The following ACOT11 variants were observed in gnomAD, a reference collection of about 807,000 sequenced individuals.
The protein encoded by ACOT11 is acyl-CoA thioesterase 11, also known as acyl-coenzyme A thioesterase 11.
A neutral mutation model predicts 77.5 loss-of-function variants in ACOT11; 69 were observed. The observed-to-expected ratio is 0.89, with a 90% CI of 0.73 to 1.09. ACOT11 has a LOEUF of 1.09. ACOT11 is among the 50% of genes least tolerant of loss of function. The probability of loss-of-function intolerance (pLI) is 0.00; values close to 1 mark genes in which losing one functional copy is unlikely to be tolerated. For synonymous variants in ACOT11, 279 were observed against 313.0 expected, an observed-to-expected ratio of 0.89 and a Z score of 1.15; for missense variants, 766 against 813.7, an observed-to-expected ratio of 0.94 and a Z score of 0.71.
intron 1 of ACOT11, among the ~76,000 whole-genome samples, chr1:54,578,945 T>C (rs1238470327): frequency 6.6e-6 from 1 of 152,148 alleles, no homozygotes; most frequent in Non-Finnish European, 1.5e-5. Flanking sequence ...TGAATACATA[T>C]AGGAGATGCT....
At chr1:54,587,708 C>T (rs1200589039) in intron 3 of ACOT11, among the ~76,000 whole-genome samples, 3 of 150,318 alleles carry the variant, frequency 2.0e-5, no homozygotes, top group Admixed American at 6.6e-5. Flanking sequence ...ATTACAGGTG[C>T]GTGACACCAC....
intron 1 of ACOT11, among the ~76,000 whole-genome samples, chr1:54,564,121 A>C (rs1653651243): frequency 6.6e-6 from 1 of 150,876 alleles, no homozygotes; most frequent in South Asian, 2.1e-4. Context: ...AGTCTCAGCT[A>C]CTCAGCTACT....
chr1:54,598,005 C>T (rs1643911386), intron 7 of ACOT11: 1 of 153,340 alleles, frequency 6.5e-6, no homozygotes, highest in Non-Finnish European at 1.5e-5. Context: ...CTAATTGACA[C>T]TCTCACACCT....
At chr1:54,562,585 G>T (rs1352861230) in intron 1 of ACOT11, among the ~76,000 whole-genome samples, 3 of 148,326 alleles carry the variant, frequency 2.0e-5, no homozygotes, top group Non-Finnish European at 3.0e-5. Context: ...TGGCTGCCGG[G>T]CGGAGAGGCT....
intron 15 of ACOT11, among the ~76,000 whole-genome samples, chr1:54,626,638 C>T (rs1299715143): frequency 1.3e-5 from 1 of 79,560 alleles, no homozygotes; most frequent in African/African-American, 3.3e-5. Context: ...TGATTTTATC[C>T]ATCTACTTGT....
At chr1:54,558,379 G>C (rs950567490) in intron 1 of ACOT11, among the ~76,000 whole-genome samples, 12 of 152,192 alleles carry the variant, frequency 7.9e-5, no homozygotes, top group African/African-American at 2.9e-4. Flanking sequence ...GTAGATAATT[G>C]TGTCCGTATT....
intron 1 of ACOT11, among the ~76,000 whole-genome samples, chr1:54,551,181 A>C (rs1653055264): frequency 6.6e-6 from 1 of 151,686 alleles, no homozygotes; most frequent in Non-Finnish European, 1.5e-5. Context: ...ACAACAAAAA[A>C]CTCACCAAAT....
chr1:54,594,845 G>T (rs1425584354), intron 6 of ACOT11, among the ~76,000 whole-genome samples, 154 bp downstream of exon 6: 1 of 152,162 alleles, frequency 6.6e-6, no homozygotes, highest in Non-Finnish European at 1.5e-5. Flanking sequence ...TGGCTCCGAG[G>T]TCTCCTCCAG....
At chr1:54,625,264 T>C (rs1485507032) in intron 15 of ACOT11, among the ~76,000 whole-genome samples, 1 of 152,060 alleles carries the variant, frequency 6.6e-6, no homozygotes, top group East Asian at 1.9e-4. Flanking sequence ...CTCAACAAAC[T>C]CAGCAGCTGC....
chr1:54,601,101 GTA>G (rs1163928133), intron 8 of ACOT11, among the ~76,000 whole-genome samples, 166 bp from the exon 9 acceptor site: 13 of 151,718 alleles, frequency 8.6e-5, no homozygotes, highest in African/African-American at 2.9e-4. Context: ...ACATGTGTGT[GTA>G]TGTGTGTGCA....
intron 1 of ACOT11, among the ~76,000 whole-genome samples, chr1:54,557,406 A>G (rs899990854): frequency 6.6e-6 from 1 of 151,582 alleles, no homozygotes; most frequent in African/African-American, 2.4e-5. Flanking sequence ...AAAAAAAAAA[A>G]AAAGAAAAAA....
At chr1:54,579,278 CTT>C (rs1352263956) in intron 1 of ACOT11, among the ~76,000 whole-genome samples, 2 of 152,160 alleles carry the variant, frequency 1.3e-5, no homozygotes, top group Non-Finnish European at 2.9e-5. Context: ...ATGCAGCTCT[CTT>C]TGGCAGCATC....
At chr1:54,549,816 C>T (rs1020139836) in intron 1 of ACOT11, among the ~76,000 whole-genome samples, 2 of 152,220 alleles carry the variant, frequency 1.3e-5, no homozygotes, top group African/African-American at 4.8e-5. Context: ...TTGCTCTTGT[C>T]ACCTGAGTGC....
intron 3 of ACOT11, among the ~76,000 whole-genome samples, chr1:54,588,977 T>TAAG (rs1186827445): frequency 6.6e-6 from 1 of 152,212 alleles, no homozygotes; most frequent in Admixed American, 6.5e-5. Context: ...TTTTGCCACT[T>TAAG]AAGAATATTT....
intron 3 of ACOT11, among the ~76,000 whole-genome samples, chr1:54,589,121 A>G (rs1184158519): frequency 6.6e-6 from 1 of 152,028 alleles, no homozygotes; most frequent in Non-Finnish European, 1.5e-5. Flanking sequence ...GGTTCAAGCA[A>G]TTCTCCTGTC....
intron 10 of ACOT11, 71 bp from the exon 11 acceptor site, chr1:54,603,800 G>A (rs1209305659): frequency 7.1e-7 from 1 of 1,417,214 alleles, no homozygotes. Flanking sequence ...CACAGAGTAG[G>A]CCTGCAGTAG....
At chr1:54,613,711 A>T (rs915635109), downstream of ACOT11, among the ~76,000 whole-genome samples, 2 of 152,216 alleles carry the variant, frequency 1.3e-5, no homozygotes, top group Non-Finnish European at 2.9e-5. Flanking sequence ...CACCCAAAAA[A>T]ACCCTACTGA....
rs773972106 is a variant in ACOT11, at chr1:54,599,279, C to G, written c.765-17C>G. The stretch of plus-strand genomic sequence containing the variant: ...ACCAGGGGCATTCCTTCTGTCTCCC[C>G]ACCCCTGCCTCCTCAGCCGGCTCTG... On this transcript the variant is annotated splice_polypyrimidine_tract_variant and intron_variant, in intron 7 of 15. Transcript: ENST00000343744. 23 of 1,516,186 alleles carry G rather than the reference C, an allele frequency of 1.5e-5. No homozygotes were observed. The highest frequency in any genetic ancestry group is 2.0e-5 in the Non-Finnish European group (23 of 1,124,266). 93.9% of individuals were successfully genotyped at this position (1,516,186 alleles called of 1,614,324 possible). A position where few individuals can be genotyped will look rare whatever the true frequency, so the allele number is the denominator to read the frequency against.
At chr1:54,593,020 C>A (rs1326057276) in intron 4 of ACOT11, among the ~76,000 whole-genome samples, 3 of 152,202 alleles carry the variant, frequency 2.0e-5, no homozygotes, top group Non-Finnish European at 4.4e-5. Context: ...CCTCCCACAG[C>A]CCGTCTCCTC....
Sources: allele counts gnomAD v4.1 joint callset (sites outside exome capture counted in the v4.1 genomes callset), GRCh38; gene constraint gnomAD v4.1.1; transcripts MANE v1.5; gene names NCBI Gene and HGNC (gene_info 2026-07-23, HGNC 2026-07-21).